Variants in RAP1GAP2 observed in about 807,000 individuals in gnomAD.
RAP1GAP2 encodes the protein RAP1 GTPase activating protein 2, also known as rap1 GTPase-activating protein 2.
A neutral mutation model predicts 95.0 loss-of-function variants in RAP1GAP2; 27 were observed. The ratio of observed to expected loss-of-function variants is 0.28; its 90% CI spans 0.21 to 0.39. The LOEUF (loss-of-function observed/expected upper bound fraction) is 0.39. Ranked by LOEUF, RAP1GAP2 falls within the 10% of genes least tolerant of loss-of-function variation. RAP1GAP2 has a pLI of 1.00. For missense variants in RAP1GAP2, 771 were observed against 970.0 expected, an observed-to-expected ratio of 0.79 and a Z score of 2.72; for synonymous variants, 373 against 380.9, an observed-to-expected ratio of 0.98 and a Z score of 0.24.
intron 11 of RAP1GAP2, among the ~76,000 whole-genome samples, chr17:2,986,621 G>A (rs570498662): frequency 6.6e-6 from 1 of 150,782 alleles, no homozygotes; most frequent in South Asian, 2.1e-4. Context: ...ATGAACATTT[G>A]TTGCATCAAA....
intron 19 of RAP1GAP2, among the ~76,000 whole-genome samples, chr17:3,023,431 T>C: frequency 6.6e-6 from 1 of 152,158 alleles, no homozygotes; most frequent in Non-Finnish European, 1.5e-5. Context: ...CGGCATTTGG[T>C]TGACTTCCAA....
chr17:2,870,363 T>A lies in RAP1GAP2; in HGVS notation c.81-34921T>A, dbSNP rs1443427892. Among the ~76,000 whole-genome samples, 1 of 152,092 alleles carries A rather than the reference T, an allele frequency of 6.6e-6. No individual in the cohort carries two copies. Among genetic ancestry groups the A allele is most frequent in the East Asian group, 1.9e-4 (1 of 5,182 alleles). On this transcript the variant is annotated intron_variant, in intron 2 of 24. Coordinates refer to ENST00000254695, the MANE Select transcript of RAP1GAP2 (RefSeq NM_015085.5). The surrounding 1 kb of genome is among the most constrained non-coding windows in gnomAD (Gnocchi z 4.4). ...CAAACTCTTGACCTCGTGATCTGCC[T>A]GCCTCGTCCTCCCAAAGTGCTGGGA... is the stretch of plus-strand genomic sequence containing the variant.
chr17:3,012,454 C>T (rs2046581513), intron 17 of RAP1GAP2, among the ~76,000 whole-genome samples: 1 of 151,702 alleles, frequency 6.6e-6, no homozygotes, highest in Non-Finnish European at 1.5e-5. Context: ...CCTGTCTCTA[C>T]TAAAAATACA....
At chr17:2,976,951 A>G (rs1314930166) in intron 8 of RAP1GAP2, among the ~76,000 whole-genome samples, 1 of 152,012 alleles carries the variant, frequency 6.6e-6, no homozygotes, top group Admixed American at 6.6e-5. Flanking sequence ...CCTGGCCAAC[A>G]TGGTGAAATC....
rs180769342 is a variant in RAP1GAP2, at chr17:2,934,297, A to T, written c.166-23462A>T. Among the ~76,000 whole-genome samples the T allele has an allele frequency of 9.9e-5, 15 of 152,184 alleles. No individual in the cohort carries two copies. The East Asian group carries it at 2.9e-3, about 29-fold the overall frequency. ...TAGGCATGGGCCACCATGCTAGGCTAATTTTTGTATTTTTGGTAGAGAGGG... is the reference window on the plus strand; with the variant it reads ...TAGGCATGGGCCACCATGCTAGGCTTATTTTTGTATTTTTGGTAGAGAGGG... On this transcript the variant is annotated intron_variant, in intron 3 of 24. Coordinates refer to ENST00000254695, the MANE Select transcript of RAP1GAP2 (RefSeq NM_015085.5).
At chr17:2,992,192 A>T (rs1187979023) in intron 12 of RAP1GAP2, among the ~76,000 whole-genome samples, 2 of 140,740 alleles carry the variant, frequency 1.4e-5, no homozygotes, top group African/African-American at 5.3e-5. Flanking sequence ...AGATGGAGTC[A>T]TGCGCTTTGC....
At chr17:2,999,698 G>T (rs2046086655) in intron 14 of RAP1GAP2, among the ~76,000 whole-genome samples, 1 of 151,924 alleles carries the variant, frequency 6.6e-6, no homozygotes, top group South Asian at 2.1e-4. Context: ...TGTAATTCTA[G>T]CGCTTTGGGA....
chr17:2,844,540 T>A (rs1396290558), intron 2 of RAP1GAP2, among the ~76,000 whole-genome samples: 1 of 152,218 alleles, frequency 6.6e-6, no homozygotes, highest in Non-Finnish European at 1.5e-5. Context: ...ATTGCAGACC[T>A]GCAGTTGCTC....
chr17:2,981,981 C>T (rs372908644), intron 10 of RAP1GAP2, among the ~76,000 whole-genome samples: 51 of 152,342 alleles, frequency 3.3e-4, no homozygotes, highest in African/African-American at 1.1e-3. Context: ...AGCTGTGCTT[C>T]TGAGCTTCTG....
At chr17:2,861,863 C>G (rs1597458453) in intron 2 of RAP1GAP2, among the ~76,000 whole-genome samples, 1 of 152,132 alleles carries the variant, frequency 6.6e-6, no homozygotes, top group Non-Finnish European at 1.5e-5. Context: ...ACCATGTTGG[C>G]CAGGCTGCTC....
At chr17:2,886,577 G>T (rs189230857) in intron 2 of RAP1GAP2, among the ~76,000 whole-genome samples, 211 of 152,320 alleles carry the variant, frequency 1.4e-3, no homozygotes, top group African/African-American at 4.8e-3. Flanking sequence ...TATTTAACAG[G>T]ATACTTTTGT....
rs762811329 is a variant in RAP1GAP2 at position 3,020,536 on chromosome 17, G to A, written c.1692G>A (p.Ser564=). ...CACGGAGTCCCATCAAGCGACGCTC[G>A]GGGCTCTTCCCCCGCCTGCACACGG... ...NQSRSPIKRR[S]GLFPRLHTGS... The change falls in exon 19 of 25, where the codon TCG becomes TCA. Residue 564 remains serine (S), a synonymous_variant. Coordinates refer to ENST00000254695, the MANE Select transcript of RAP1GAP2 (RefSeq NM_015085.5). The A allele has an allele frequency of 1.9e-6, 3 of 1,613,858 alleles. No individual in the cohort carries two copies. Among genetic ancestry groups the A allele is most frequent in the South Asian group, 1.1e-5 (1 of 91,060 alleles).
chr17:3,032,834 T>G (rs1045167113), intron 24 of RAP1GAP2, among the ~76,000 whole-genome samples: 4 of 152,166 alleles, frequency 2.6e-5, no homozygotes, highest in Admixed American at 6.5e-5. Flanking sequence ...GCGGAGGCCC[T>G]GGGCTGAGGT....
chr17:2,982,425 C>T (rs1487176918), intron 10 of RAP1GAP2, among the ~76,000 whole-genome samples: 1 of 152,230 alleles, frequency 6.6e-6, no homozygotes, highest in Non-Finnish European at 1.5e-5. Flanking sequence ...GCGTGAGCCA[C>T]CTCGCCCGGC....
intron 2 of RAP1GAP2, among the ~76,000 whole-genome samples, chr17:2,862,867 T>G (rs1012314354): frequency 6.6e-6 from 1 of 151,502 alleles, no homozygotes; most frequent in Non-Finnish European, 1.5e-5. Context: ...CGTGGTGGCG[T>G]GCGCCTGTAA....
intron 2 of RAP1GAP2, among the ~76,000 whole-genome samples, chr17:2,844,781 C>A (rs1245822543): frequency 6.6e-6 from 1 of 152,164 alleles, no homozygotes; most frequent in Admixed American, 6.6e-5. Context: ...TCTTTGATTA[C>A]ACCCACAAAG....
At chr17:2,878,552 G>A (rs958158502) in intron 2 of RAP1GAP2, among the ~76,000 whole-genome samples, 2 of 152,172 alleles carry the variant, frequency 1.3e-5, no homozygotes, top group South Asian at 2.1e-4. Context: ...CACCCCTTCC[G>A]ATCATGGCTT....
chr17:2,790,273 C>G (rs2068891160), intron 1 of RAP1GAP2, among the ~76,000 whole-genome samples: 1 of 152,090 alleles, frequency 6.6e-6, no homozygotes, highest in African/African-American at 2.4e-5. Flanking sequence ...CCACTACACC[C>G]AGCTAATTTT....
intron 17 of RAP1GAP2, among the ~76,000 whole-genome samples, chr17:3,017,251 G>T (rs2046799390): frequency 6.6e-6 from 1 of 152,020 alleles, no homozygotes; most frequent in Non-Finnish European, 1.5e-5. Context: ...GACCTCCCTG[G>T]TGGTCCTCTC....
Sources: gnomAD v4.1 joint callset for allele counts (sites outside exome capture counted in the v4.1 genomes callset) on GRCh38, gnomAD v4.1.1 for gene constraint, Gnocchi (gnomAD v3.1) non-coding constraint, MANE v1.5 for transcripts, NCBI Gene and HGNC (gene_info 2026-07-23, HGNC 2026-07-21) for gene names.